The following YAP1 variants were observed in gnomAD, a reference collection of about 807,000 sequenced individuals.
YAP1 encodes Yes1 associated transcriptional regulator.
A neutral mutation model predicts 56.9 loss-of-function variants in YAP1; 5 were observed. The observed-to-expected ratio is 0.09, with a 90% CI of 0.05 to 0.18. The LOEUF (loss-of-function observed/expected upper bound fraction) is 0.18. Among genes scored for constraint, YAP1 ranks in the 10% least tolerant of loss-of-function variants. The probability of loss-of-function intolerance (pLI) is 1.00; values close to 1 mark genes in which losing one functional copy is unlikely to be tolerated. For missense variants in YAP1, 539 were observed against 651.8 expected, an observed-to-expected ratio of 0.83 and a Z score of 1.88; for synonymous variants, 265 against 248.1, an observed-to-expected ratio of 1.07 and a Z score of -0.64.
intron 4 of YAP1, chr11:102,186,537 T>G (rs1947958360): frequency 4.2e-6 from 1 of 236,848 alleles, no homozygotes; most frequent in Non-Finnish European, 8.1e-6. Flanking sequence ...GCTTAGGTTC[T>G]GAGAGTGATG....
chr11:102,146,322 C>T (rs1241036877), intron 2 of YAP1, among the ~76,000 whole-genome samples: 2 of 152,154 alleles, frequency 1.3e-5, no homozygotes, highest in Non-Finnish European at 2.9e-5. Context: ...CACACCCGGC[C>T]TCTAGCCTCA....
intron 3 of YAP1, among the ~76,000 whole-genome samples, chr11:102,164,774 G>C (rs1399393584): frequency 1.3e-5 from 2 of 152,090 alleles, no homozygotes; most frequent in Non-Finnish European, 2.9e-5. Context: ...CCAGGCTGGA[G>C]TGCAATGGCA....
At chr11:102,157,757 G>A (rs968769345) in intron 2 of YAP1, among the ~76,000 whole-genome samples, 4 of 152,130 alleles carry the variant, frequency 2.6e-5, no homozygotes, top group Non-Finnish European at 4.4e-5. Context: ...GGCACATAAA[G>A]CACATTTTTG....
chr11:102,151,449 C>T (rs1209321769), intron 2 of YAP1, among the ~76,000 whole-genome samples: 2 of 152,226 alleles, frequency 1.3e-5, no homozygotes, highest in Non-Finnish European at 2.9e-5. Flanking sequence ...TATGTGTCCT[C>T]CTCTGTATCA....
chr11:102,163,514 C>T (rs1020073235), intron 3 of YAP1, among the ~76,000 whole-genome samples: 1 of 152,154 alleles, frequency 6.6e-6, no homozygotes, highest in Non-Finnish European at 1.5e-5. Flanking sequence ...GGCTGGATTT[C>T]TGACCACTCC....
chr11:102,198,711 C>T (rs1324514155), intron 4 of YAP1, among the ~76,000 whole-genome samples: 4 of 152,114 alleles, frequency 2.6e-5, no homozygotes, highest in African/African-American at 9.7e-5. Flanking sequence ...ACGACATGTT[C>T]ATTGTATGTG....
chr11:102,227,708 T>A, intron 8 of YAP1, 127 bp downstream of exon 8: 1 of 668,776 alleles, frequency 1.5e-6, no homozygotes, highest in Non-Finnish European at 2.6e-6. Flanking sequence ...AAATTTGAAT[T>A]AAATTGATCC....
At chr11:102,122,920 A>C (rs1036352553) in intron 2 of YAP1, among the ~76,000 whole-genome samples, 11 of 151,066 alleles carry the variant, frequency 7.3e-5, no homozygotes, top group African/African-American at 2.4e-4. Context: ...AAAAAAAGCA[A>C]AGAAAAGAGC....
chr11:102,158,497 G>A (rs553788689), intron 2 of YAP1, among the ~76,000 whole-genome samples: 53 of 152,304 alleles, frequency 3.5e-4, no homozygotes, highest in Middle Eastern at 3.4e-3. Flanking sequence ...TCATCAGTGG[G>A]TTGGGTGGAG....
intron 2 of YAP1, among the ~76,000 whole-genome samples, chr11:102,154,440 T>G (rs1945830471): frequency 6.6e-6 from 1 of 152,072 alleles, no homozygotes; most frequent in Non-Finnish European, 1.5e-5. Context: ...TTTGTATGAG[T>G]GTCTAGCATT....
chr11:102,222,804 TG>T (rs1390481417), intron 6 of YAP1, among the ~76,000 whole-genome samples: 2 of 148,656 alleles, frequency 1.3e-5, no homozygotes, highest in Admixed American at 1.4e-4. Flanking sequence ...GAAATAGTGT[TG>T]GGGGTTGGGG....
chr11:102,174,496 C>T (rs1947116862), intron 3 of YAP1, among the ~76,000 whole-genome samples: 1 of 151,936 alleles, frequency 6.6e-6, no homozygotes, highest in Non-Finnish European at 1.5e-5. Context: ...TCGCTTGAAC[C>T]CAGGAGGCAG....
chr11:102,179,873 T>G (rs569936429), intron 3 of YAP1, among the ~76,000 whole-genome samples: 7 of 152,274 alleles, frequency 4.6e-5, no homozygotes, highest in Middle Eastern at 3.4e-3. Flanking sequence ...GCTATATCCC[T>G]GTCCCTTCAG....
Position 102,112,425 on chromosome 11 carries a change from CTTTTTTTTT to C in YAP1, c.321+1269_321+1277del, listed in dbSNP as rs751339753. 4.1e-5 allele frequency: 34 copies of C among 827,384 alleles called. No homozygotes were observed. In the East Asian group the frequency reaches 1.2e-3, roughly 29 times the overall value. The allele number at this position is 827,384 out of a possible 1,614,324, so 51.3% of individuals were successfully genotyped here. A position where few individuals can be genotyped will look rare whatever the true frequency, so the allele number is the denominator to read the frequency against. On this transcript the variant is annotated intron_variant, in intron 1 of 8. Transcript: ENST00000282441. The stretch of plus-strand genomic sequence containing the variant: ...TTTTCTTTCTTTTTTATTTCTTCTT[CTTTTTTTTT>C]TTTTTTTTTTTTGAGAACTTGCTTC...
intron 6 of YAP1, among the ~76,000 whole-genome samples, chr11:102,222,005 C>T (rs1034259753): frequency 7.9e-5 from 12 of 151,444 alleles, no homozygotes; most frequent in Admixed American, 2.0e-4. Flanking sequence ...TGTCATGGTC[C>T]GCTGGTTAAG....
intron 3 of YAP1, among the ~76,000 whole-genome samples, chr11:102,180,102 C>T (rs983269567): frequency 8.0e-5 from 12 of 150,040 alleles, no homozygotes; most frequent in African/African-American, 2.7e-4. Flanking sequence ...CTCCAACTCC[C>T]GGGTACGAGA....
At chr11:102,153,526 G>T (rs1332982468) in intron 2 of YAP1, among the ~76,000 whole-genome samples, 1 of 152,162 alleles carries the variant, frequency 6.6e-6, no homozygotes, top group Non-Finnish European at 1.5e-5. Flanking sequence ...TGAAGTATCA[G>T]TTATTTTCTA....
intron 2 of YAP1, among the ~76,000 whole-genome samples, chr11:102,132,987 G>A (rs1413398935): frequency 3.3e-5 from 5 of 151,944 alleles, no homozygotes; most frequent in East Asian, 1.9e-4. Context: ...GTGAAACCCC[G>A]TCTCTACTAA....
At chr11:102,227,794 T>A (rs568993920) in intron 8 of YAP1, among the ~76,000 whole-genome samples, 21 of 152,204 alleles carry the variant, frequency 1.4e-4, no homozygotes, top group Admixed American at 4.6e-4. Flanking sequence ...ATTGGCCGGG[T>A]GCAGTGGCTC....
Sources: gnomAD v4.1 joint callset for allele counts (sites outside exome capture counted in the v4.1 genomes callset) on GRCh38, gnomAD v4.1.1 for gene constraint, MANE v1.5 for transcripts, NCBI Gene and HGNC (gene_info 2026-07-23, HGNC 2026-07-21) for gene names.